AVL9: variants seen among roughly 807,000 people sequenced by gnomAD.
The protein encoded by AVL9 is late secretory pathway protein AVL9 homolog.
AVL9 carries 49 observed loss-of-function variants against 79.2 expected under a neutral mutation model. That is an observed-to-expected ratio of 0.62 (90% CI 0.49 to 0.79). AVL9 has a LOEUF of 0.79. AVL9 is among the 30% of genes least tolerant of loss of function. The pLI is 0.00. For missense variants in AVL9, 682 were observed against 776.8 expected (o/e 0.88, Z 1.45); for synonymous variants, 299 against 280.6 (o/e 1.07, Z -0.65).
chr7:32,547,830 G>T (rs142015308), intron 3 of AVL9, among the ~76,000 whole-genome samples: 91 of 152,304 alleles, frequency 6.0e-4, no homozygotes, highest in African/African-American at 1.9e-3. Flanking sequence ...TCAGTCATCA[G>T]TTGAAAACAT....
intron 10 of AVL9, among the ~76,000 whole-genome samples, chr7:32,567,867 G>A (rs867058582): frequency 6.6e-6 from 1 of 151,630 alleles, no homozygotes; most frequent in Non-Finnish European, 1.5e-5. Context: ...ACAGGCACTC[G>A]CCACCACAGG....
At chr7:32,515,548 C>A (rs1411486483) in intron 1 of AVL9, among the ~76,000 whole-genome samples, 1 of 152,188 alleles carries the variant, frequency 6.6e-6, no homozygotes, top group African/African-American at 2.4e-5. Flanking sequence ...GCAGGTAACT[C>A]CTTTCTGGAG....
chr7:32,576,112 T>G, intron 13 of AVL9, 40 bp downstream of exon 13: 1 of 1,417,564 alleles, frequency 7.1e-7, no homozygotes, highest in Non-Finnish European at 1.0e-6. Flanking sequence ...CATAAATGGT[T>G]GGTTTACGAG....
rs11296248 is a variant in AVL9, at chr7:32,499,579, ATT to A, written c.93+3787_93+3788del. Among the ~76,000 whole-genome samples, 26 of 151,254 alleles carry A rather than the reference ATT, an allele frequency of 1.7e-4. 1 individual carries two copies. Among genetic ancestry groups the A allele is most frequent in the Middle Eastern group, 6.3e-3 (2 of 316 alleles). ...CTAATACAAAAAAGGCAGAATAACA[ATT>A]TTTTTTTTTAATTATACTTTAAGTT... On this transcript the variant is annotated intron_variant, in intron 1 of 15. Transcript: ENST00000318709.
intron 1 of AVL9, among the ~76,000 whole-genome samples, chr7:32,515,368 AC>A (rs1486664521): frequency 6.6e-6 from 1 of 152,204 alleles, no homozygotes; most frequent in Non-Finnish European, 1.5e-5. Context: ...TATGGTCGAA[AC>A]CAACAGGACA....
intron 12 of AVL9, 58 bp from the exon 13 acceptor site, chr7:32,575,897 T>A (rs1400435598): frequency 1.6e-6 from 2 of 1,255,764 alleles, no homozygotes; most frequent in East Asian, 4.7e-5. Context: ...GGTTATAATC[T>A]TCACATCCCT....
At chr7:32,523,203 C>G (rs1023917323) in intron 1 of AVL9, among the ~76,000 whole-genome samples, 26 of 149,826 alleles carry the variant, frequency 1.7e-4, no homozygotes, top group Non-Finnish European at 3.2e-4. Flanking sequence ...AAGGACTAGC[C>G]CCAGAAGGAT....
intron 6 of AVL9, 88 bp from the exon 7 acceptor site, chr7:32,553,639 C>A (rs1347551923): frequency 2.3e-5 from 21 of 895,446 alleles, no homozygotes; most frequent in South Asian, 4.8e-5. Flanking sequence ...TTTTTTTTAA[C>A]CTTTCTTTCT....
At chr7:32,505,664 T>G (rs1787382116) in intron 1 of AVL9, among the ~76,000 whole-genome samples, 1 of 152,186 alleles carries the variant, frequency 6.6e-6, no homozygotes, top group Admixed American at 6.6e-5. Context: ...CTTATACTAG[T>G]ACAGAGGTAG....
intron 1 of AVL9, among the ~76,000 whole-genome samples, chr7:32,527,004 C>G (rs1788428395): frequency 6.6e-6 from 1 of 152,126 alleles, no homozygotes; most frequent in Non-Finnish European, 1.5e-5. Flanking sequence ...ACTTGACTGT[C>G]TCAAAACTAT....
At chr7:32,542,915 CCGACCTTAAATCAG>C (rs1789282046) in intron 1 of AVL9, among the ~76,000 whole-genome samples, 1 of 152,182 alleles carries the variant, frequency 6.6e-6, no homozygotes, top group South Asian at 2.1e-4. Flanking sequence ...TAAAGTTTAA[CCGACCTTAAATCAG>C]AAAGTGGAGA....
chr7:32,566,123 C>CAAGG (rs1790552547), intron 10 of AVL9, among the ~76,000 whole-genome samples: 1 of 145,652 alleles, frequency 6.9e-6, no homozygotes, highest in African/African-American at 2.5e-5. Flanking sequence ...GGCAAAAGAC[C>CAAGG]AAGACCTCAT....
chr7:32,517,309 C>CTTTTTTT (rs1054366807), intron 1 of AVL9, among the ~76,000 whole-genome samples: 1 of 142,458 alleles, frequency 7.0e-6, no homozygotes, highest in Non-Finnish European at 1.5e-5. Context: ...TTTTCTTTTT[C>CTTTTTTT]TTTTTTTTTT....
intron 1 of AVL9, among the ~76,000 whole-genome samples, chr7:32,503,339 T>TATATATATATAG (rs1787235612): frequency 1.1e-5 from 1 of 88,780 alleles, no homozygotes; most frequent in African/African-American, 3.7e-5. Context: ...TATATCTATA[T>TATATATATATAG]ATATAGATAT....
chr7:32,580,713 T>C (rs962814525), intron 14 of AVL9, 89 bp from the exon 15 acceptor site: 1 of 721,272 alleles, frequency 1.4e-6, no homozygotes, highest in African/African-American at 1.8e-5. Context: ...AGAGTGACTA[T>C]TGTGTGTGTG....
chr7:32,570,198 A>C (rs764701706), intron 11 of AVL9, 44 bp downstream of exon 11: 13 of 1,609,004 alleles, frequency 8.1e-6, no homozygotes, highest in Non-Finnish European at 1.0e-5. Context: ...TGCTCATCCC[A>C]GTTTTCCTTT....
intron 6 of AVL9, among the ~76,000 whole-genome samples, chr7:32,552,850 C>T: frequency 6.6e-6 from 1 of 151,970 alleles, no homozygotes; most frequent in East Asian, 1.9e-4. Context: ...TAATGCTGAC[C>T]AGCTTAATTC....
rs565629793 is a variant in AVL9, at chr7:32,576,145, A to G, written c.1688+73A>G. 24 of 1,022,858 alleles carry G rather than the reference A, an allele frequency of 2.3e-5. No homozygotes were observed. In the African/African-American group the frequency reaches 3.1e-4, roughly 13 times the overall value. The allele number at this position is 1,022,858 out of a possible 1,614,324, so 63.4% of individuals were successfully genotyped here. A position where few individuals can be genotyped will look rare whatever the true frequency, so the allele number is the denominator to read the frequency against. ...GAGTGCCCAATACAGAGAAAAATCTATTTTAACTTTGATATTGTGAATATC... is the reference window on the plus strand; with the variant it reads ...GAGTGCCCAATACAGAGAAAAATCTGTTTTAACTTTGATATTGTGAATATC... On this transcript the variant is annotated intron_variant, in intron 13 of 15. Coordinates refer to ENST00000318709, the MANE Select transcript of AVL9 (RefSeq NM_015060.3).
In AVL9 at chr7:32,558,451, C is replaced by T. The variant is rs556348228; in HGVS notation, c.610-108C>T. 25 of 807,314 alleles carry T rather than the reference C, an allele frequency of 3.1e-5. 1 individual carries two copies. Among genetic ancestry groups the T allele is most frequent in the African/African-American group, 2.3e-4 (13 of 55,916 alleles). The allele number at this position is 807,314 out of a possible 1,614,324, so 50.0% of individuals were successfully genotyped here. A position where few individuals can be genotyped will look rare whatever the true frequency, so the allele number is the denominator to read the frequency against. On this transcript the variant is annotated intron_variant, in intron 8 of 15. Transcript: ENST00000318709. ...GATTACAGGCATGAGCCACTGCGCC[C>T]GGCCAGCTGTTATTCTTATATAAGG...
Sources: allele counts gnomAD v4.1 joint callset (sites outside exome capture counted in the v4.1 genomes callset), GRCh38; gene constraint gnomAD v4.1.1; transcripts MANE v1.5; gene names NCBI Gene and HGNC (gene_info 2026-07-23, HGNC 2026-07-21).